Variants in MCMBP observed in about 807,000 individuals in gnomAD.
MCMBP encodes minichromosome maintenance complex binding protein.
MCMBP carries 31 observed loss-of-function variants against 81.3 expected under a neutral mutation model. That is an observed-to-expected ratio of 0.38 (90% confidence interval 0.29 to 0.51). MCMBP has a LOEUF of 0.51. Ranked by LOEUF, MCMBP falls within the 20% of genes least tolerant of loss-of-function variation. MCMBP has a pLI of 0.87. For missense variants in MCMBP, 645 were observed against 772.1 expected, an observed-to-expected ratio of 0.84 and a Z score of 1.95; for synonymous variants, 267 against 275.9, an observed-to-expected ratio of 0.97 and a Z score of 0.32.
At chr10:119,834,372 C>A (rs1404721489) in intron 14 of MCMBP, among the ~76,000 whole-genome samples, 2 of 152,122 alleles carry the variant, frequency 1.3e-5, no homozygotes, top group African/African-American at 2.4e-5. Context: ...GGATCCTTAT[C>A]AGAAACTAGT....
chr10:119,836,778 TTTTTTTTTTTTTTTTTA>T (rs1348922006), intron 13 of MCMBP, 101 bp downstream of exon 13: 2 of 301,402 alleles, frequency 6.6e-6, no homozygotes, highest in South Asian at 1.4e-4. Context: ...TTTTTTTTTT[TTTTTTTTTTTTTTTTTA>T]CAACAAATGT....
intron 12 of MCMBP, among the ~76,000 whole-genome samples, chr10:119,838,066 C>T (rs1852307769): frequency 6.6e-6 from 1 of 151,666 alleles, no homozygotes; most frequent in South Asian, 2.1e-4. Context: ...GCAAAAGAAC[C>T]CAACACTGTA....
At chr10:119,848,063 A>G (rs1050230467) in intron 7 of MCMBP, among the ~76,000 whole-genome samples, 2 of 152,144 alleles carry the variant, frequency 1.3e-5, no homozygotes, top group Non-Finnish European at 2.9e-5. Context: ...CCACACCAAG[A>G]AAAGGAAAAA....
chr10:119,842,439 C>T, intron 10 of MCMBP, 33 bp downstream of exon 10: 1 of 1,588,834 alleles, frequency 6.3e-7, no homozygotes, highest in Non-Finnish European at 8.5e-7. Flanking sequence ...ACACACCAAA[C>T]TCCCCTAATT....
At chr10:119,841,236 G>A (rs1852421764) in intron 10 of MCMBP, among the ~76,000 whole-genome samples, 1 of 152,180 alleles carries the variant, frequency 6.6e-6, no homozygotes, top group South Asian at 2.1e-4. Context: ...TTGCTTCACA[G>A]ATGAGAAATC....
chr10:119,864,501 T>G (rs1363477809), intron 1 of MCMBP, among the ~76,000 whole-genome samples: 1 of 149,586 alleles, frequency 6.7e-6, no homozygotes, highest in Non-Finnish European at 1.5e-5. Flanking sequence ...TTGTCTTCCT[T>G]TTTTTCTTTT....
At chr10:119,871,974 C>A (rs1055562577) in intron 1 of MCMBP, among the ~76,000 whole-genome samples, 5 of 152,200 alleles carry the variant, frequency 3.3e-5, no homozygotes, top group African/African-American at 1.2e-4. Context: ...GTTCTAAAGT[C>A]ATCCCAACAG....
intron 1 of MCMBP, among the ~76,000 whole-genome samples, chr10:119,861,271 G>T (rs1853246089): frequency 6.6e-6 from 1 of 151,832 alleles, no homozygotes; most frequent in Admixed American, 6.6e-5. Flanking sequence ...AAGTAGGGAT[G>T]GGGGACTCCT....
chr10:119,832,779 T>A (rs988492298), intron 14 of MCMBP, among the ~76,000 whole-genome samples: 1 of 152,176 alleles, frequency 6.6e-6, no homozygotes, highest in African/African-American at 2.4e-5. Flanking sequence ...CCAGGGCATT[T>A]ATCAAAAACA....
intron 11 of MCMBP, 89 bp from the exon 12 acceptor site, chr10:119,838,789 T>C: frequency 8.5e-7 from 1 of 1,183,418 alleles, no homozygotes. Flanking sequence ...GTGTTTCATA[T>C]GGAAAAAGTG....
chr10:119,863,110 GCTC>G (rs1278232988), intron 1 of MCMBP, among the ~76,000 whole-genome samples: 2 of 152,110 alleles, frequency 1.3e-5, no homozygotes, highest in African/African-American at 2.4e-5. Flanking sequence ...GTCTTTTCAT[GCTC>G]CTAATAGAAT....
At chr10:119,847,997 T>C (rs1377193206) in intron 7 of MCMBP, among the ~76,000 whole-genome samples, 1 of 151,970 alleles carries the variant, frequency 6.6e-6, no homozygotes, top group Non-Finnish European at 1.5e-5. Flanking sequence ...AAAAAGCCTT[T>C]TCCCAAAGGC....
At chr10:119,865,811 CACATCTGTAAT>C (rs1453907660) in intron 1 of MCMBP, among the ~76,000 whole-genome samples, 2 of 151,580 alleles carry the variant, frequency 1.3e-5, no homozygotes, top group Admixed American at 6.6e-5. Context: ...TACAGTGGCT[CACATCTGTAAT>C]CCCAGCACTT....
intron 2 of MCMBP, 95 bp from the exon 3 acceptor site, chr10:119,859,276 AC>A (rs1313736307): frequency 7.4e-5 from 2 of 27,084 alleles, no homozygotes; most frequent in South Asian, 6.6e-4. Flanking sequence ...TCAAACTGTT[AC>A]ACACACACAC....
chr10:119,839,711 T>A (rs1384655849), intron 11 of MCMBP, among the ~76,000 whole-genome samples: 1 of 152,236 alleles, frequency 6.6e-6, no homozygotes, highest in African/African-American at 2.4e-5. Flanking sequence ...CATAGCAGAC[T>A]ATGGAAAGTT....
chr10:119,859,946 TC>T, intron 1 of MCMBP, 62 bp from the exon 2 acceptor site: 1 of 1,233,608 alleles, frequency 8.1e-7, no homozygotes. Flanking sequence ...AAGACTATGA[TC>T]AGGTGAGTCA....
chr10:119,836,661 G>C (rs1318784111), intron 13 of MCMBP, among the ~76,000 whole-genome samples: 1 of 151,690 alleles, frequency 6.6e-6, no homozygotes, highest in Non-Finnish European at 1.5e-5. Flanking sequence ...CAGCCTTGCT[G>C]GTCTCATGAC....
chr10:119,840,161 T>G (rs1222873198), intron 11 of MCMBP, among the ~76,000 whole-genome samples: 1 of 152,236 alleles, frequency 6.6e-6, no homozygotes, highest in African/African-American at 2.4e-5. Flanking sequence ...TCTTTGAGTA[T>G]GAACACATTT....
chr10:119,850,111 A>G (rs954274075), intron 6 of MCMBP, among the ~76,000 whole-genome samples: 86 of 152,334 alleles, frequency 5.6e-4, no homozygotes, highest in African/African-American at 2.0e-3. Flanking sequence ...AGGGCTGATA[A>G]CATGAGAATC....
Sources: allele counts gnomAD v4.1 joint callset (sites outside exome capture counted in the v4.1 genomes callset), GRCh38; gene constraint gnomAD v4.1.1; transcripts MANE v1.5; gene names NCBI Gene and HGNC (gene_info 2026-07-23, HGNC 2026-07-21).